The following SEL1L variants were observed in gnomAD, a reference collection of about 807,000 sequenced individuals.
SEL1L encodes protein sel-1 homolog 1.
In SEL1L, 52 loss-of-function variants were observed where a neutral mutation model predicts 109.8. The ratio of observed to expected loss-of-function variants is 0.47; its 90% CI spans 0.38 to 0.60. SEL1L has a LOEUF of 0.60. SEL1L is among the 20% of genes least tolerant of loss of function. SEL1L has a pLI of 0.00. For synonymous variants in SEL1L, 373 were observed against 339.6 expected (o/e 1.10, Z -1.08); for missense variants, 749 against 962.2 (o/e 0.78, Z 2.93).
At chr14:81,505,407 A>T (rs984379537) in intron 4 of SEL1L, among the ~76,000 whole-genome samples, 2 of 152,224 alleles carry the variant, frequency 1.3e-5, no homozygotes, top group African/African-American at 4.8e-5. Context: ...ATATAAAAAA[A>T]TTCTGGTGCA....
chr14:81,516,249 A>C (rs1044249889), intron 3 of SEL1L, among the ~76,000 whole-genome samples: 1 of 152,088 alleles, frequency 6.6e-6, no homozygotes, highest in African/African-American at 2.4e-5. Flanking sequence ...AGGGCCAGGA[A>C]ATTGACTTCC....
At chr14:81,530,203 T>A (rs181405046) in intron 1 of SEL1L, among the ~76,000 whole-genome samples, 38 of 152,358 alleles carry the variant, frequency 2.5e-4, no homozygotes, top group African/African-American at 9.1e-4. Context: ...AATAGTTTGG[T>A]GAAAACAGAC....
chr14:81,499,694 C>T, intron 6 of SEL1L, 32 bp from the exon 7 acceptor site: 1 of 1,581,838 alleles, frequency 6.3e-7, no homozygotes, highest in Non-Finnish European at 8.6e-7. Flanking sequence ...AGAAATCTTG[C>T]TTTGGTGAAG....
chr14:81,479,406 G>A (rs1239260798), intron 20 of SEL1L: 4 of 370,174 alleles, frequency 1.1e-5, no homozygotes, highest in Admixed American at 4.5e-5. Flanking sequence ...AGTGTCAAAC[G>A]CTACCTAAAA....
At chr14:81,521,861 T>C (rs998462723) in intron 3 of SEL1L, among the ~76,000 whole-genome samples, 2 of 152,148 alleles carry the variant, frequency 1.3e-5, no homozygotes, top group Non-Finnish European at 2.9e-5. Context: ...ATCGTTATCA[T>C]AGGAGATGAC....
intron 3 of SEL1L, among the ~76,000 whole-genome samples, chr14:81,512,005 G>C (rs934104669): frequency 6.6e-6 from 1 of 152,072 alleles, no homozygotes; most frequent in Non-Finnish European, 1.5e-5. Context: ...TTTTTCATTT[G>C]CAAACTTATT....
rs1418176790 is a variant in SEL1L, at chr14:81,524,559, CA to C, written c.340+2173del. On this transcript the variant is annotated intron_variant, in intron 3 of 20. Coordinates refer to ENST00000336735, the MANE Select transcript of SEL1L (RefSeq NM_005065.6). ...CAAAGGATACTGCATATTTCTTTAG[CA>C]AATAAAATGACACTTAAAAACAAAG... Among the ~76,000 whole-genome samples, 15 of 152,232 alleles carry C rather than the reference CA, an allele frequency of 9.9e-5. No individual in the cohort carries two copies. The South Asian group carries it at 3.1e-3, about 32-fold the overall frequency.
At chr14:81,515,191 G>C (rs1179217505) in intron 3 of SEL1L, among the ~76,000 whole-genome samples, 1 of 152,162 alleles carries the variant, frequency 6.6e-6, no homozygotes, top group Non-Finnish European at 1.5e-5. Context: ...CCTTCAAGCT[G>C]TAGGGGAGGG....
At chr14:81,494,945 A>C in intron 11 of SEL1L, 136 bp downstream of exon 11, 1 of 766,802 alleles carries the variant, frequency 1.3e-6, no homozygotes, top group East Asian at 2.7e-5. Flanking sequence ...GGGGTTGGTT[A>C]CATCTTGAAA....
intron 5 of SEL1L, among the ~76,000 whole-genome samples, chr14:81,503,668 C>T (rs1007333168): frequency 2.0e-5 from 3 of 151,906 alleles, no homozygotes; most frequent in Non-Finnish European, 2.9e-5. Flanking sequence ...AAAAGTTAAC[C>T]GATTTGCAAT....
intron 19 of SEL1L, among the ~76,000 whole-genome samples, chr14:81,483,448 A>G (rs949461130): frequency 2.0e-5 from 3 of 152,206 alleles, no homozygotes; most frequent in African/African-American, 7.2e-5. Context: ...TCAGGTAAGT[A>G]TGATACAGTA....
intron 18 of SEL1L, 21 bp from the exon 19 acceptor site, chr14:81,484,418 A>G (rs767799960): frequency 1.9e-6 from 3 of 1,591,070 alleles, no homozygotes; most frequent in Non-Finnish European, 2.6e-6. Flanking sequence ...AGTTAAATGC[A>G]GAACTGCCAA....
At position 81,497,342 on chromosome 14, in the gene SEL1L, A is replaced by G. The variant is rs538470874; in HGVS notation, c.1128+550T>C. Among the ~76,000 whole-genome samples, 130 of 152,338 alleles carry G rather than the reference A, an allele frequency of 8.5e-4. 2 individuals are homozygous for G. The highest frequency in any genetic ancestry group is 2.9e-3 in the African/African-American group (122 of 41,568). On this transcript the variant is annotated intron_variant, in intron 10 of 20. Transcript: ENST00000336735. ...AAATGTTAAAGTTCTTTTTATTTTAATATCAAAAGAAGCCACGAAACCTGT... is the reference window on the plus strand; with the variant it reads ...AAATGTTAAAGTTCTTTTTATTTTAGTATCAAAAGAAGCCACGAAACCTGT...
At chr14:81,480,191 CT>C (rs1339216548) in intron 19 of SEL1L, among the ~76,000 whole-genome samples, 2 of 151,836 alleles carry the variant, frequency 1.3e-5, no homozygotes, top group South Asian at 4.2e-4. Flanking sequence ...GTGGCTCATT[CT>C]TTTTTATTTT....
intron 1 of SEL1L, among the ~76,000 whole-genome samples, chr14:81,532,895 C>G (rs981658607): frequency 6.6e-6 from 1 of 151,916 alleles, no homozygotes; most frequent in African/African-American, 2.4e-5. Context: ...TTTTCATGAA[C>G]ACTCTCAAAA....
intron 3 of SEL1L, among the ~76,000 whole-genome samples, chr14:81,515,461 T>C (rs1884663628): frequency 6.6e-6 from 1 of 152,176 alleles, no homozygotes. Context: ...AATGACAGAC[T>C]GACAGCTGAA....
intron 16 of SEL1L, 105 bp downstream of exon 16, chr14:81,487,285 C>G: frequency 8.9e-7 from 1 of 1,127,540 alleles, no homozygotes; most frequent in Non-Finnish European, 1.2e-6. Flanking sequence ...TAGGCTGAGT[C>G]TAGAACTACA....
chr14:81,513,002 G>C (rs1046872970), intron 3 of SEL1L, among the ~76,000 whole-genome samples: 1 of 152,218 alleles, frequency 6.6e-6, no homozygotes, highest in African/African-American at 2.4e-5. Flanking sequence ...TTCTGGGTCA[G>C]GTGGGGACTT....
rs755870515 is a variant in SEL1L, at chr14:81,479,502, G to A, written c.2175+110C>T. 38 of 1,106,764 alleles carry A rather than the reference G, an allele frequency of 3.4e-5. 2 individuals carry two copies. The highest frequency in any genetic ancestry group is 2.3e-4 in the South Asian group (12 of 52,908). The allele number at this position is 1,106,764 out of a possible 1,614,324, so 68.6% of individuals were successfully genotyped here. On this transcript the variant is annotated intron_variant, in intron 20 of 20. Coordinates refer to ENST00000336735, the MANE Select transcript of SEL1L (RefSeq NM_005065.6). The stretch of plus-strand genomic sequence containing the variant: ...GAGCTGAGGAGAAGGGAACACACCC[G>A]ATACCTGCAGGACCACTCTTCCCTG...
Sources: gnomAD v4.1 joint callset for allele counts (sites outside exome capture counted in the v4.1 genomes callset) on GRCh38, gnomAD v4.1.1 for gene constraint, MANE v1.5 for transcripts, NCBI Gene and HGNC (gene_info 2026-07-23, HGNC 2026-07-21) for gene names.